COL21A1: variants seen among roughly 807,000 people sequenced by gnomAD.
COL21A1 encodes the protein collagen type XXI alpha 1 chain, also known as collagen alpha-1(XXI) chain.
A neutral mutation model predicts 137.9 loss-of-function variants in COL21A1; 149 were observed. That is an observed-to-expected ratio of 1.08 (90% CI 0.95 to 1.24). The LOEUF is 1.24. Ranked by LOEUF, COL21A1 falls within the 50% of genes most tolerant of loss-of-function variation. The pLI, the probability that COL21A1 is intolerant of heterozygous loss-of-function variation, is 0.00. For missense variants in COL21A1, 1,167 were observed against 1,158.4 expected, an observed-to-expected ratio of 1.01 and a Z score of -0.11; for synonymous variants, 456 against 391.5, an observed-to-expected ratio of 1.16 and a Z score of -1.95.
intron 1 of COL21A1, among the ~76,000 whole-genome samples, chr6:56,336,508 T>C (rs1765332732): frequency 1.3e-5 from 2 of 152,296 alleles, no homozygotes; most frequent in South Asian, 4.1e-4. Context: ...CCCAGATCCC[T>C]GAAAATGGGG....
At chr6:56,100,947 T>A (rs1310484095) in intron 17 of COL21A1, among the ~76,000 whole-genome samples, 1 of 152,158 alleles carries the variant, frequency 6.6e-6, no homozygotes, top group Non-Finnish European at 1.5e-5. Context: ...TAAAATAAGA[T>A]CTGCTGGTAT....
In COL21A1 at chr6:56,179,905, C is replaced by T. The variant is rs777772961; in HGVS notation, c.313G>A (p.Glu105Lys). Residue 105 changes from glutamate (E) to lysine (K), a missense_variant, in exon 3 of 30, where the codon GAA becomes AAA. By Grantham distance (56) the Glu-to-Lys change is moderately conservative (BLOSUM62 1). Transcript: ENST00000244728. Reference protein sequence around the residue: ...DSGEHLTAAVESILYLGGNTK... With the variant: ...DSGEHLTAAVKSILYLGGNTK... ...TTTCCTCCTAAGTAGAGTATGGATT[C>T]CACTGCTGCCGTCAAATGTTCTCCT... The T allele has an allele frequency of 8.1e-6, 13 of 1,613,770 alleles. No individual in the cohort carries two copies. The highest frequency in any genetic ancestry group is 1.1e-5 in the Non-Finnish European group (13 of 1,179,854).
At chr6:56,172,052 G>A (rs1011814931) in intron 3 of COL21A1, among the ~76,000 whole-genome samples, 3 of 138,282 alleles carry the variant, frequency 2.2e-5, no homozygotes, top group Non-Finnish European at 4.6e-5. Context: ...ACCAATATAT[G>A]CATTTTGCGA....
At chr6:56,124,330 A>C (rs1426196121) in intron 14 of COL21A1, 38 bp from the exon 15 acceptor site, 1 of 1,559,882 alleles carries the variant, frequency 6.4e-7, no homozygotes, top group Non-Finnish European at 8.7e-7. Flanking sequence ...CAATCTTTAC[A>C]ATAATGTTTT....
At chr6:56,106,989 G>A (rs1770986596) in intron 16 of COL21A1, among the ~76,000 whole-genome samples, 1 of 152,010 alleles carries the variant, frequency 6.6e-6, no homozygotes, top group Admixed American at 6.6e-5. Context: ...GGGTTTCACC[G>A]TGTTAGCCAG....
intron 1 of COL21A1, among the ~76,000 whole-genome samples, chr6:56,297,209 G>A (rs909376245): frequency 2.1e-4 from 32 of 152,126 alleles, no homozygotes; most frequent in Middle Eastern, 3.4e-3. Context: ...AAGTTGCCAT[G>A]CGCATGAGTT....
intron 1 of COL21A1, among the ~76,000 whole-genome samples, chr6:56,296,325 A>C (rs1190689718): frequency 1.3e-5 from 2 of 151,950 alleles, no homozygotes; most frequent in African/African-American, 4.8e-5. Context: ...TTAAACAGCA[A>C]GGGCATTTTC....
At position 56,123,915 on chromosome 6, in the gene COL21A1, A is replaced by T. The variant is rs9475569; in HGVS notation, c.1758+147T>A. On this transcript the variant is annotated intron_variant, in intron 16 of 29. Transcript: ENST00000244728. ...TCAAAAGAAATTCAGTAGCATTTTT[A>T]AATTACACGTAAAAAACCTTTTAGC... 1,910 of 651,984 alleles carry T rather than the reference A, an allele frequency of 2.9e-3. 28 individuals are homozygous for T. The African/African-American group carries it at 0.032, about 11-fold the overall frequency. The allele number at this position is 651,984 out of a possible 1,614,324, so 40.4% of individuals were successfully genotyped here.
At chr6:56,279,736 G>A (rs187643189) in intron 1 of COL21A1, among the ~76,000 whole-genome samples, 1 of 152,184 alleles carries the variant, frequency 6.6e-6, no homozygotes, top group Non-Finnish European at 1.5e-5. Flanking sequence ...TGTCAGCTTT[G>A]AACCAGAAAG....
intron 1 of COL21A1, among the ~76,000 whole-genome samples, chr6:56,262,830 G>A (rs1763309228): frequency 6.6e-6 from 1 of 152,098 alleles, no homozygotes; most frequent in African/African-American, 2.4e-5. Context: ...AGCATCAGCA[G>A]CCTGGTTCTA....
chr6:56,290,506 T>TTTTTG (rs1554179000), intron 1 of COL21A1, among the ~76,000 whole-genome samples: 5 of 148,088 alleles, frequency 3.4e-5, no homozygotes, highest in African/African-American at 1.3e-4. Flanking sequence ...GAGATTTTTT[T>TTTTTG]TTTTTTTTTT....
At chr6:56,085,050 T>C (rs1423654699) in intron 17 of COL21A1, among the ~76,000 whole-genome samples, 1 of 152,096 alleles carries the variant, frequency 6.6e-6, no homozygotes, top group Non-Finnish European at 1.5e-5. Flanking sequence ...ACAGGAGAGC[T>C]AGGAATTCGA....
chr6:56,139,819 C>T (rs1177846337), intron 12 of COL21A1, among the ~76,000 whole-genome samples: 2 of 152,102 alleles, frequency 1.3e-5, no homozygotes, highest in African/African-American at 4.8e-5. Flanking sequence ...TCACATGGTG[C>T]TCCGGTCTGG....
At chr6:56,101,592 A>G in intron 16 of COL21A1, 67 bp from the exon 17 acceptor site, 1 of 1,077,078 alleles carries the variant, frequency 9.3e-7, no homozygotes, top group East Asian at 2.6e-5. Context: ...AAATAACAAT[A>G]TATAACATTA....
At chr6:56,391,503 T>A (rs970179960) in intron 1 of COL21A1, among the ~76,000 whole-genome samples, 29 of 152,066 alleles carry the variant, frequency 1.9e-4, no homozygotes, top group African/African-American at 5.8e-4. Context: ...AAAAGTTTTT[T>A]AAAAACCTTT....
Position 56,125,595 on chromosome 6 carries a change from T to G in COL21A1, c.1622A>C (p.Lys541Thr). 6.2e-7 allele frequency: 1 copy of G among 1,600,024 alleles called. No homozygotes were observed. Among genetic ancestry groups the G allele is most frequent in the South Asian group, 1.1e-5 (1 of 89,136 alleles). Reference protein sequence around the residue: ...SKGEMGAKGDKGSPGFYGKKG... With the variant: ...SKGEMGAKGDTGSPGFYGKKG... ...TTTGCCATAAAATCCAGGTGATCCT[T>G]TGTCTCCTTTGGCACCCATTTCACC... is the stretch of plus-strand genomic sequence containing the variant. Residue 541 changes from lysine to threonine, a missense_variant, in exon 14 of 30, where the codon AAA becomes ACA. Physicochemically the swap from Lys to Thr is moderately conservative, Grantham distance 78 (BLOSUM62 -1). Coordinates refer to ENST00000244728, the MANE Select transcript of COL21A1 (RefSeq NM_030820.4).
At chr6:56,332,360 A>G (rs1765246288) in intron 1 of COL21A1, among the ~76,000 whole-genome samples, 1 of 152,036 alleles carries the variant, frequency 6.6e-6, no homozygotes, top group Non-Finnish European at 1.5e-5. Context: ...GCAAATTCTT[A>G]GCTGGTAAGG....
chr6:56,188,661 G>A (rs1403758806), intron 1 of COL21A1, among the ~76,000 whole-genome samples: 10 of 152,162 alleles, frequency 6.6e-5, no homozygotes, highest in Admixed American at 3.3e-4. Context: ...CTCCTCACGT[G>A]GGTCCCTGAC....
chr6:56,128,846 G>T (rs1000765357), intron 12 of COL21A1, among the ~76,000 whole-genome samples: 6 of 152,054 alleles, frequency 3.9e-5, no homozygotes, highest in African/African-American at 1.4e-4. Context: ...GTAGAGACAG[G>T]GTTTCACCCT....
Sources: allele counts gnomAD v4.1 joint callset (sites outside exome capture counted in the v4.1 genomes callset), GRCh38; gene constraint gnomAD v4.1.1; transcripts MANE v1.5; gene names NCBI Gene and HGNC (gene_info 2026-07-23, HGNC 2026-07-21).